Variants in PTBP3 observed in about 807,000 individuals in gnomAD.
The protein encoded by PTBP3 is polypyrimidine tract-binding protein 3.
PTBP3 carries 20 observed loss-of-function variants against 58.7 expected under a neutral mutation model. The ratio of observed to expected loss-of-function variants is 0.34; its 90% CI spans 0.24 to 0.50. The LOEUF (loss-of-function observed/expected upper bound fraction) is 0.50, where lower values mean the gene tolerates loss of function less well. Ranked by LOEUF, PTBP3 falls within the 20% of genes least tolerant of loss-of-function variation. The pLI is 0.98. For synonymous variants in PTBP3, 185 were observed against 219.8 expected, an observed-to-expected ratio of 0.84 and a Z score of 1.40; for missense variants, 509 against 637.2, an observed-to-expected ratio of 0.80 and a Z score of 2.17.
chr9:112,346,041 G>A, the PTBP3 span, among the ~76,000 whole-genome samples: 1 of 150,770 alleles, frequency 6.6e-6, no homozygotes, highest in South Asian at 2.1e-4. Context: ...ACGGGGTTTC[G>A]CCATGTTAGC....
Position 112,232,136 on chromosome 9 carries a change from C to T in PTBP3, c.983G>A (p.Gly328Glu), listed in dbSNP as rs776698280. ...MAIPGASGIPGNSVLLVTNLN... is the reference protein window; with the variant it reads ...MAIPGASGIPENSVLLVTNLN... ...ATTTGTGACGAGTAGAACAGAATTT[C>T]CTGGTATACCACTAGCCCCAGGAAT... The change falls in exon 9 of 14, where the codon GGA becomes GAA. Residue 328 changes from glycine (G) to glutamate (E), a missense_variant. Physicochemically the swap from Gly to Glu is moderately conservative, Grantham distance 98 (BLOSUM62 -2). Transcript: ENST00000374257. The T allele has an allele frequency of 2.9e-5, 46 of 1,612,942 alleles. No individual in the cohort carries two copies. The South Asian group carries it at 5.1e-4, about 18-fold the overall frequency.
At chr9:112,265,699 T>C (rs570104797) in intron 4 of PTBP3, among the ~76,000 whole-genome samples, 16 of 152,252 alleles carry the variant, frequency 1.1e-4, no homozygotes, top group Middle Eastern at 3.4e-3. Context: ...TATAAGCATG[T>C]TAGACGAGAC....
intron 3 of PTBP3, chr9:112,272,448 A>T (rs1371319839): frequency 1.3e-5 from 2 of 152,160 alleles, no homozygotes; most frequent in African/African-American, 2.4e-5. Context: ...GAACATCTCA[A>T]ATTTAAAACG....
chr9:112,362,474 A>G, the PTBP3 span, among the ~76,000 whole-genome samples: 1 of 152,152 alleles, frequency 6.6e-6, no homozygotes, highest in Non-Finnish European at 1.5e-5. Flanking sequence ...CACTTTCTTG[A>G]TAGTGTCCTG....
chr9:112,255,711 C>T (rs760195532), intron 5 of PTBP3, among the ~76,000 whole-genome samples: 1 of 152,180 alleles, frequency 6.6e-6, no homozygotes, highest in Non-Finnish European at 1.5e-5. Context: ...TCTTGTATAA[C>T]ACTACTCTAT....
At chr9:112,289,940 C>T (rs968609998) in intron 2 of PTBP3, among the ~76,000 whole-genome samples, 1 of 152,062 alleles carries the variant, frequency 6.6e-6, no homozygotes. Context: ...ATTATACATA[C>T]AATGGTTTCA....
At chr9:112,265,344 A>G (rs1836755572) in intron 4 of PTBP3, among the ~76,000 whole-genome samples, 1 of 149,908 alleles carries the variant, frequency 6.7e-6, no homozygotes, top group African/African-American at 2.5e-5. Flanking sequence ...CTCTACTAAA[A>G]ATACAAAAAT....
At chr9:112,296,471 A>T (rs1194687495) in intron 2 of PTBP3, among the ~76,000 whole-genome samples, 1 of 152,152 alleles carries the variant, frequency 6.6e-6, no homozygotes, top group Non-Finnish European at 1.5e-5. Flanking sequence ...TTTCCCGAAC[A>T]TCTATGTTCC....
At chr9:112,259,710 G>A (rs954303992) in intron 5 of PTBP3, among the ~76,000 whole-genome samples, 1 of 152,206 alleles carries the variant, frequency 6.6e-6, no homozygotes, top group Non-Finnish European at 1.5e-5. Context: ...GATAGCAGTT[G>A]AGCCAGGACC....
chr9:112,251,943 A>G (rs371004797), intron 6 of PTBP3, among the ~76,000 whole-genome samples: 18 of 152,178 alleles, frequency 1.2e-4, no homozygotes, highest in African/African-American at 4.3e-4. Flanking sequence ...GTGGTACACA[A>G]AAGTACCACA....
intron 7 of PTBP3, among the ~76,000 whole-genome samples, chr9:112,247,672 G>A (rs551782735): frequency 6.6e-6 from 1 of 152,224 alleles, no homozygotes; most frequent in Admixed American, 6.5e-5. Flanking sequence ...CTATGATCAC[G>A]CCACTGCACT....
At chr9:112,279,659 C>A (rs1827772431) in intron 2 of PTBP3, among the ~76,000 whole-genome samples, 1 of 151,946 alleles carries the variant, frequency 6.6e-6, no homozygotes, top group African/African-American at 2.4e-5. Flanking sequence ...CAACCCCCAC[C>A]CCAGGCAATC....
chr9:112,222,725 C>A lies in PTBP3; in HGVS notation c.*1126G>T. 1 of 977,156 alleles carries A rather than the reference C, an allele frequency of 1.0e-6. No individual in the cohort carries two copies. Among genetic ancestry groups the A allele is most frequent in the Non-Finnish European group, 1.2e-6 (1 of 822,086 alleles). 60.5% of individuals were successfully genotyped at this position (977,156 alleles called of 1,614,324 possible). On this transcript the variant is annotated 3_prime_UTR_variant, in exon 14 of 14. Transcript: ENST00000374257. ...AGAGAAAGAAAAAACAAAATGCTTACCAAGCCCACAATATAGCTTTCAAGA... is the reference window on the plus strand; with the variant it reads ...AGAGAAAGAAAAAACAAAATGCTTAACAAGCCCACAATATAGCTTTCAAGA...
chr9:112,280,853 C>T (rs1284086834), intron 2 of PTBP3: 10 of 151,668 alleles, frequency 6.6e-5, no homozygotes, highest in Admixed American at 3.9e-4. Flanking sequence ...AGAGATACAA[C>T]ATTTACATAA....
At chr9:112,256,784 A>C (rs1458892734) in intron 5 of PTBP3, among the ~76,000 whole-genome samples, 1 of 151,972 alleles carries the variant, frequency 6.6e-6, no homozygotes, top group Non-Finnish European at 1.5e-5. Context: ...TAGCCTCCCA[A>C]AGTACTGGGA....
chr9:112,310,181 G>T (rs1333241264), intron 1 of PTBP3, among the ~76,000 whole-genome samples: 1 of 152,174 alleles, frequency 6.6e-6, no homozygotes. Context: ...GAACAAAAAA[G>T]AATAGTTAAA....
the PTBP3 span, among the ~76,000 whole-genome samples, chr9:112,360,028 T>C: frequency 6.6e-6 from 1 of 152,128 alleles, no homozygotes; most frequent in African/African-American, 2.4e-5. Flanking sequence ...GAATCAGAAA[T>C]ATATAGACAT....
the PTBP3 span, among the ~76,000 whole-genome samples, chr9:112,374,586 CT>C: frequency 6.6e-6 from 1 of 152,238 alleles, no homozygotes; most frequent in African/African-American, 2.4e-5. Context: ...GGCCATTCCA[CT>C]GTTCTATCAA....
At chr9:112,314,656 CAAACAAAACA>C (rs777608089) in intron 1 of PTBP3, among the ~76,000 whole-genome samples, 1 of 151,994 alleles carries the variant, frequency 6.6e-6, no homozygotes, top group African/African-American at 2.4e-5. Context: ...GACCCTGTCT[CAAACAAAACA>C]AAACAAAACA....
Sources: gnomAD v4.1 joint callset for allele counts (sites outside exome capture counted in the v4.1 genomes callset) on GRCh38, gnomAD v4.1.1 for gene constraint, MANE v1.5 for transcripts, NCBI Gene and HGNC (gene_info 2026-07-23, HGNC 2026-07-21) for gene names.